Variants in ADGRL2 observed in about 807,000 individuals in gnomAD.
The protein encoded by ADGRL2 is calcium-independent alpha-latrotoxin receptor 2.
Under a neutral mutation model 157.4 loss-of-function variants are expected in ADGRL2, and 44 were observed. The observed-to-expected ratio is 0.28, with a 90% CI of 0.22 to 0.36. The LOEUF (loss-of-function observed/expected upper bound fraction) is 0.36, where lower values mean the gene tolerates loss of function less well. Among genes scored for constraint, ADGRL2 ranks in the 10% least tolerant of loss-of-function variants. The probability of loss-of-function intolerance (pLI) is 1.00; values close to 1 mark genes in which losing one functional copy is unlikely to be tolerated. For synonymous variants in ADGRL2, 585 were observed against 624.7 expected (o/e 0.94, Z 0.95); for missense variants, 1,510 against 1,768.9 (o/e 0.85, Z 2.63).
intron 2 of ADGRL2, among the ~76,000 whole-genome samples, chr1:81,472,880 A>C (rs547423165): frequency 6.6e-6 from 1 of 152,266 alleles, no homozygotes; most frequent in Non-Finnish European, 1.5e-5. Flanking sequence ...ATAAGATGAT[A>C]ATTTAACATA....
intron 1 of ADGRL2, among the ~76,000 whole-genome samples, chr1:81,412,753 T>C (rs2076968537): frequency 6.6e-6 from 1 of 152,178 alleles, no homozygotes. Context: ...GATTTATTGA[T>C]GGATGAATAC....
intron 2 of ADGRL2, among the ~76,000 whole-genome samples, chr1:81,841,749 A>G (rs1170223774): frequency 1.3e-5 from 2 of 152,170 alleles, no homozygotes; most frequent in Admixed American, 6.5e-5. Flanking sequence ...GTTGTTGTTC[A>G]CTGATGTCTT....
At chr1:81,941,471 C>T (rs1647982252) in intron 4 of ADGRL2, among the ~76,000 whole-genome samples, 1 of 151,448 alleles carries the variant, frequency 6.6e-6, no homozygotes, top group South Asian at 2.1e-4. Context: ...TATATTTCTT[C>T]TTAGTAAATA....
At chr1:81,355,146 G>A (rs1051873320) in intron 1 of ADGRL2, among the ~76,000 whole-genome samples, 10 of 151,892 alleles carry the variant, frequency 6.6e-5, no homozygotes, top group African/African-American at 1.9e-4. Context: ...TTGAAACTTG[G>A]CATACTCCAG....
At chr1:81,762,616 G>A (rs978211582) in intron 2 of ADGRL2, among the ~76,000 whole-genome samples, 1 of 151,918 alleles carries the variant, frequency 6.6e-6, no homozygotes, top group East Asian at 1.9e-4. Flanking sequence ...ATTTCTCATT[G>A]TAGAAAAAAA....
chr1:81,721,691 C>A, intron 1 of ADGRL2: 1 of 1,304,824 alleles, frequency 7.7e-7, no homozygotes. Context: ...TGCTTCCTGA[C>A]CATGGACCCC....
chr1:81,912,700 T>C (rs981299010), intron 3 of ADGRL2, among the ~76,000 whole-genome samples: 1 of 152,124 alleles, frequency 6.6e-6, no homozygotes, highest in African/African-American at 2.4e-5. Flanking sequence ...GTGGGAGAAT[T>C]AATGTTTTAG....
intron 3 of ADGRL2, among the ~76,000 whole-genome samples, chr1:81,660,721 T>C (rs2082632836): frequency 6.6e-6 from 1 of 152,124 alleles, no homozygotes; most frequent in African/African-American, 2.4e-5. Context: ...GAGACCAAAT[T>C]AGAGATTGTT....
At chr1:81,427,044 T>C in intron 1 of ADGRL2, 1 of 1,237,774 alleles carries the variant, frequency 8.1e-7, no homozygotes, top group South Asian at 1.2e-5. Flanking sequence ...TATTCAGAAA[T>C]ACCACACTAT....
At chr1:81,804,807 G>T (rs185666033) in intron 1 of ADGRL2, among the ~76,000 whole-genome samples, 1 of 152,246 alleles carries the variant, frequency 6.6e-6, no homozygotes, top group Non-Finnish European at 1.5e-5. Flanking sequence ...TTAGTAAAAT[G>T]AAAAGGCCAC....
chr1:81,612,431 C>CAT (rs2081560779), intron 3 of ADGRL2, among the ~76,000 whole-genome samples: 1 of 151,898 alleles, frequency 6.6e-6, no homozygotes, highest in South Asian at 2.1e-4. Context: ...TAAGAGGTGC[C>CAT]GACAAAAGTA....
chr1:81,848,274 C>T (rs887707246), intron 2 of ADGRL2, among the ~76,000 whole-genome samples: 4 of 151,720 alleles, frequency 2.6e-5, no homozygotes, highest in Non-Finnish European at 2.9e-5. Flanking sequence ...AATAGAGACT[C>T]CTATATAGGT....
chr1:81,468,199 G>A (rs1275572568), intron 2 of ADGRL2, among the ~76,000 whole-genome samples: 1 of 152,182 alleles, frequency 6.6e-6, no homozygotes, highest in African/African-American at 2.4e-5. Context: ...TATGGAGAGT[G>A]ATTCTAGCAT....
intron 11 of ADGRL2, among the ~76,000 whole-genome samples, chr1:81,959,861 C>T (rs572672335): frequency 2.0e-5 from 3 of 151,606 alleles, no homozygotes; most frequent in African/African-American, 7.3e-5. Flanking sequence ...AGTGCAATGG[C>T]GCGATCTTGG....
In ADGRL2 at chr1:81,969,284, G is replaced by A. The variant is rs576674053; in HGVS notation, c.2630G>A (p.Arg877His). Residue 877 changes from arginine to histidine, a missense_variant, in exon 15 of 24, where the codon CGT becomes CAT. This residue lies in a region of ADGRL2 where 497 missense variants were observed against 627.2 expected (regional missense o/e 0.79). Coordinates refer to ENST00000686636, the MANE Select transcript of ADGRL2 (RefSeq NM_001366006.2). The stretch of plus-strand genomic sequence containing the variant: ...TGCATCTTCACCTTCTGCTTTTTCC[G>A]TGGCCTACAGAGTGACCGAAATACT... ...AICIFTFCFF[R>H]GLQSDRNTIH... 5.3e-5 allele frequency: 86 copies of A among 1,613,696 alleles called. No homozygotes were observed. Among genetic ancestry groups the A allele is most frequent in the East Asian group, 2.7e-4 (12 of 44,860 alleles).
intron 1 of ADGRL2, among the ~76,000 whole-genome samples, chr1:81,405,437 G>T (rs946504851): frequency 6.6e-6 from 1 of 152,032 alleles, no homozygotes; most frequent in African/African-American, 2.4e-5. Context: ...GGAGACAAAG[G>T]TGGGAGGATT....
At chr1:81,747,307 A>ATTT (rs369526684) in intron 1 of ADGRL2, among the ~76,000 whole-genome samples, 11,524 of 143,426 alleles carry the variant, frequency 0.08, 569 homozygotes, top group Non-Finnish European at 0.11. Context: ...ATATATATAT[A>ATTT]TTTTTTTTTT....
At chr1:81,500,020 T>C (rs1485398693) in intron 2 of ADGRL2, among the ~76,000 whole-genome samples, 2 of 152,330 alleles carry the variant, frequency 1.3e-5, no homozygotes, top group East Asian at 3.9e-4. Flanking sequence ...AAGAAAAAGA[T>C]TCTTAACTCA....
intron 2 of ADGRL2, among the ~76,000 whole-genome samples, chr1:81,576,762 A>G (rs557916002): frequency 7.9e-5 from 12 of 152,188 alleles, no homozygotes; most frequent in Non-Finnish European, 1.8e-4. Context: ...CAATTAATTT[A>G]GGCATTTGCG....
Sources: allele counts gnomAD v4.1 joint callset (sites outside exome capture counted in the v4.1 genomes callset), GRCh38; gene constraint gnomAD v4.1.1; regional missense constraint gnomAD v4.1.1; transcripts MANE v1.5; gene names NCBI Gene and HGNC (gene_info 2026-07-23, HGNC 2026-07-21).